Variants in IPPK observed in about 807,000 individuals in gnomAD.
IPPK encodes the protein IPK1 homolog.
In IPPK, 22 loss-of-function variants were observed where a neutral mutation model predicts 64.6. The ratio of observed to expected loss-of-function variants is 0.34; its 90% CI spans 0.24 to 0.49. The LOEUF is 0.49. Among genes scored for constraint, IPPK ranks in the 20% least tolerant of loss-of-function variants. The pLI is 0.99. For synonymous variants in IPPK, 262 were observed against 247.2 expected, an observed-to-expected ratio of 1.06 and a Z score of -0.56; for missense variants, 532 against 630.7, an observed-to-expected ratio of 0.84 and a Z score of 1.68.
intron 7 of IPPK, among the ~76,000 whole-genome samples, chr9:92,641,936 T>G (rs1294949922): frequency 6.6e-6 from 1 of 152,194 alleles, no homozygotes; most frequent in Admixed American, 6.5e-5. Context: ...GGAGCTGTGC[T>G]GATCAAAAAG....
At chr9:92,630,510 C>G (rs1349711198) in intron 11 of IPPK, among the ~76,000 whole-genome samples, 2 of 152,176 alleles carry the variant, frequency 1.3e-5, no homozygotes, top group African/African-American at 4.8e-5. Context: ...TGAACACTTT[C>G]AGTGGGTAAA....
chr9:92,650,874 T>C (rs941004746), intron 4 of IPPK, among the ~76,000 whole-genome samples: 1 of 151,982 alleles, frequency 6.6e-6, no homozygotes, highest in Non-Finnish European at 1.5e-5. Flanking sequence ...CTGGAACCCG[T>C]GGTGTGGACA....
chr9:92,655,913 A>G (rs999731336), intron 3 of IPPK, among the ~76,000 whole-genome samples: 24 of 152,206 alleles, frequency 1.6e-4, no homozygotes, highest in African/African-American at 1.9e-4. Context: ...CTCAGAGAAC[A>G]GGCCCAGGCA....
chr9:92,655,652 AG>A (rs1852358252), intron 3 of IPPK, among the ~76,000 whole-genome samples: 1 of 152,188 alleles, frequency 6.6e-6, no homozygotes, highest in South Asian at 2.1e-4. Flanking sequence ...CCTGCCACAG[AG>A]GATTCTGGTG....
rs1359447694 is a variant in IPPK, at chr9:92,614,554, A to T, written c.*1278T>A. 1.3e-5 allele frequency: 2 copies of T among 152,704 alleles called. No individual in the cohort carries two copies. Among genetic ancestry groups the T allele is most frequent in the Non-Finnish European group, 2.9e-5 (2 of 68,046 alleles). 9.5% of individuals were successfully genotyped at this position (152,704 alleles called of 1,614,324 possible). A position where few individuals can be genotyped will look rare whatever the true frequency, so the allele number is the denominator to read the frequency against. ...AGAATTGAACAATAAATTCTAGAAG[A>T]GTTGCCTTGATTCAAACAAGTATAA... On this transcript the variant is annotated 3_prime_UTR_variant, in exon 13 of 13. Coordinates refer to ENST00000287996, the MANE Select transcript of IPPK (RefSeq NM_022755.6).
chr9:92,623,278 C>T (rs949598899), intron 11 of IPPK, among the ~76,000 whole-genome samples: 2 of 151,746 alleles, frequency 1.3e-5, no homozygotes, highest in Admixed American at 6.6e-5. Context: ...ACTAAAAATA[C>T]AAAAAATTAG....
At chr9:92,654,101 C>T (rs1007533077) in intron 3 of IPPK, among the ~76,000 whole-genome samples, 9 of 152,330 alleles carry the variant, frequency 5.9e-5, no homozygotes, top group Admixed American at 2.6e-4. Context: ...CCCTCCACAC[C>T]GCTGTCTGCC....
intron 1 of IPPK, among the ~76,000 whole-genome samples, chr9:92,664,630 C>A (rs530565503): frequency 4.3e-4 from 66 of 152,278 alleles, no homozygotes; most frequent in African/African-American, 1.5e-3. Flanking sequence ...GCATGGAAAG[C>A]CTCACTGCCT....
At position 92,649,496 on chromosome 9, in the gene IPPK, T is replaced by C. The variant is rs760573927; in HGVS notation, c.371A>G (p.Tyr124Cys). ...AATCGGCCGGTGCTCTGCAAAGCGG[T>C]AGGTTTGGAGTCTGGTTAAATTAGG... is the stretch of plus-strand genomic sequence containing the variant. Reference protein sequence around the residue: ...CLPNLTRLQTYRFAEHRPILC... With the variant: ...CLPNLTRLQTCRFAEHRPILC... The change falls in exon 5 of 13, where the codon TAC becomes TGC. Residue 124 changes from tyrosine (Y) to cysteine (C), a missense_variant. Coordinates refer to ENST00000287996, the MANE Select transcript of IPPK (RefSeq NM_022755.6). The C allele has an allele frequency of 6.2e-7, 1 of 1,613,794 alleles. No individual in the cohort carries two copies. Among genetic ancestry groups the C allele is most frequent in the Non-Finnish European group, 8.5e-7 (1 of 1,179,934 alleles).
chr9:92,636,051 T>C (rs1389338063), intron 9 of IPPK, among the ~76,000 whole-genome samples: 1 of 152,152 alleles, frequency 6.6e-6, no homozygotes. Context: ...CACTCACAGT[T>C]GTTTGGCACC....
At chr9:92,663,858 A>G (rs1852538323) in intron 1 of IPPK, among the ~76,000 whole-genome samples, 1 of 152,246 alleles carries the variant, frequency 6.6e-6, no homozygotes, top group Non-Finnish European at 1.5e-5. Flanking sequence ...GATAACCTGA[A>G]GCTGAGATCA....
intron 4 of IPPK, among the ~76,000 whole-genome samples, chr9:92,650,710 T>A (rs551380950): frequency 9.1e-4 from 138 of 152,292 alleles, no homozygotes; most frequent in Non-Finnish European, 1.7e-3. Flanking sequence ...TAGCGTATTA[T>A]CAATCCTGAG....
intron 11 of IPPK, among the ~76,000 whole-genome samples, chr9:92,628,379 A>G (rs911944720): frequency 5.1e-4 from 77 of 152,356 alleles, no homozygotes; most frequent in African/African-American, 1.8e-3. Flanking sequence ...TCTTGAAAAC[A>G]AAGACCAAAG....
At position 92,669,989 on chromosome 9, in the gene IPPK, GC is replaced by G; in HGVS notation, c.-2del. ...TCTCGTCCATCTTCCCCTCTTCCAT[GC>G]CCAGGCGCAGCCCTGGCGCCTCGCG... On this transcript the variant is annotated 5_prime_UTR_variant, in exon 1 of 13. Coordinates refer to ENST00000287996, the MANE Select transcript of IPPK (RefSeq NM_022755.6). The G allele has an allele frequency of 6.2e-7, 1 of 1,609,958 alleles. No homozygotes were observed.
intron 11 of IPPK, among the ~76,000 whole-genome samples, chr9:92,630,863 A>T (rs1851826715): frequency 6.6e-6 from 1 of 152,180 alleles, no homozygotes; most frequent in Non-Finnish European, 1.5e-5. Context: ...TAACTTCCAA[A>T]CACATAGAGC....
At chr9:92,658,554 A>G (rs557708919) in intron 2 of IPPK, 80 bp downstream of exon 2, 27 of 1,154,484 alleles carry the variant, frequency 2.3e-5, no homozygotes, top group Middle Eastern at 4.1e-4. Flanking sequence ...AACTAGCATC[A>G]ATGTTTCTAC....
intron 4 of IPPK, among the ~76,000 whole-genome samples, chr9:92,650,704 G>GT (rs1250579959): frequency 1.3e-5 from 2 of 152,126 alleles, no homozygotes; most frequent in African/African-American, 4.8e-5. Context: ...TCCTTCTAGC[G>GT]TATTATCAAT....
chr9:92,618,538 C>T (rs1564025810), intron 12 of IPPK: 1 of 456,614 alleles, frequency 2.2e-6, no homozygotes, highest in Non-Finnish European at 4.4e-6. Context: ...CGGGGGGCTG[C>T]TGAACAGTGG....
chr9:92,669,971 C>T lies in IPPK; in HGVS notation c.18G>A (p.Met6Ile). The change falls in exon 1 of 13, where the codon ATG becomes ATA. Residue 6 changes from methionine to isoleucine, a missense_variant. Transcript: ENST00000287996. MEEGKMDENEWGYHGE... is the reference protein window; with the variant it reads MEEGKIDENEWGYHGE... ...CGTGGTACCCCCATTCATTCTCGTC[C>T]ATCTTCCCCTCTTCCATGCCCAGGC... 1 of 1,612,806 alleles carries T rather than the reference C, an allele frequency of 6.2e-7. No homozygotes were observed. The highest frequency in any genetic ancestry group is 1.1e-5 in the South Asian group (1 of 90,948).
Sources: gnomAD v4.1 joint callset for allele counts (sites outside exome capture counted in the v4.1 genomes callset) on GRCh38, gnomAD v4.1.1 for gene constraint, MANE v1.5 for transcripts, NCBI Gene and HGNC (gene_info 2026-07-23, HGNC 2026-07-21) for gene names.